GNG4: variants seen among roughly 807,000 people sequenced by gnomAD.
The protein encoded by GNG4 is guanine nucleotide-binding protein G(I)/G(S)/G(O) subunit gamma-4.
In GNG4, 4 loss-of-function variants were observed where a neutral mutation model predicts 5.8. The ratio of observed to expected loss-of-function variants is 0.69; its 90% confidence interval spans 0.34 to 1.57. GNG4 has a LOEUF of 1.57. Ranked by LOEUF, GNG4 falls within the 40% of genes most tolerant of loss-of-function variation. The pLI is 0.06. For missense variants in GNG4, 96 were observed against 95.1 expected (o/e 1.01, Z -0.04); for synonymous variants, 29 against 32.9 (o/e 0.88, Z 0.41).
intron 2 of GNG4, among the ~76,000 whole-genome samples, chr1:235,590,555 G>A (rs1235283910): frequency 6.6e-6 from 1 of 152,174 alleles, no homozygotes. Context: ...CGTCTTTCGG[G>A]AGCACTGGGT....
At chr1:235,627,257 C>T (rs1328464411) in intron 1 of GNG4, among the ~76,000 whole-genome samples, 1 of 151,996 alleles carries the variant, frequency 6.6e-6, no homozygotes, top group Admixed American at 6.6e-5. Flanking sequence ...GAGTCTCGCT[C>T]TGTCTCCCAG....
chr1:235,567,960 C>G (rs1288226513), intron 3 of GNG4, among the ~76,000 whole-genome samples: 1 of 152,094 alleles, frequency 6.6e-6, no homozygotes, highest in East Asian at 1.9e-4. Flanking sequence ...AGACGGCTAA[C>G]CACAAACAGG....
Position 235,648,023 on chromosome 1 carries a change from C to CTTT in GNG4, c.-123+1636_-123+1638dup, listed in dbSNP as rs535842950. Among the ~76,000 whole-genome samples the CTTT allele has an allele frequency of 2.3e-3, 337 of 147,278 alleles. 3 individuals are homozygous for CTTT. Among genetic ancestry groups the CTTT allele is most frequent in the African/African-American group, 8.1e-3 (327 of 40,350 alleles). Reference sequence around the variant, plus strand: ...AACTGTAAAGTGAATCTAGGAAAAGCTTTTTTTTTTTCTGGTTTCTCCACC... The same window carrying CTTT: ...AACTGTAAAGTGAATCTAGGAAAAGCTTTTTTTTTTTTTTCTGGTTTCTCCACC... On this transcript the variant is annotated intron_variant, in intron 1 of 3. Transcript: ENST00000391854. This position sits in a 1 kb window ranked among gnomAD's most constrained non-coding sequence, Gnocchi z 5.0.
intron 2 of GNG4, among the ~76,000 whole-genome samples, chr1:235,590,255 G>A (rs1188511395): frequency 1.3e-5 from 2 of 152,116 alleles, no homozygotes; most frequent in African/African-American, 4.8e-5. Flanking sequence ...AGGAGTTTGA[G>A]ACCAGCCTGA....
chr1:235,622,706 C>G (rs549738792), intron 1 of GNG4, among the ~76,000 whole-genome samples: 1 of 151,884 alleles, frequency 6.6e-6, no homozygotes, highest in Non-Finnish European at 1.5e-5. Flanking sequence ...CATGGTGAAA[C>G]CCCGTCTCTA....
intron 3 of GNG4, among the ~76,000 whole-genome samples, chr1:235,560,316 A>T (rs559645675): frequency 2.0e-5 from 3 of 152,334 alleles, no homozygotes; most frequent in African/African-American, 7.2e-5. Flanking sequence ...CTCTGTTCTC[A>T]TGAATGGATT....
chr1:235,593,789 C>T (rs193084713), intron 2 of GNG4, among the ~76,000 whole-genome samples: 6 of 152,194 alleles, frequency 3.9e-5, no homozygotes, highest in African/African-American at 1.2e-4. Context: ...TTTGTGGTCT[C>T]GCTGGCTTCA....
At chr1:235,598,831 C>T (rs1161112055) in intron 1 of GNG4, among the ~76,000 whole-genome samples, 3 of 151,486 alleles carry the variant, frequency 2.0e-5, no homozygotes, top group Admixed American at 2.0e-4. Context: ...GTTCAAGTGA[C>T]TCTCCTGCCT....
chr1:235,608,287 T>C (rs1043364958), intron 1 of GNG4, among the ~76,000 whole-genome samples: 2 of 152,172 alleles, frequency 1.3e-5, no homozygotes, highest in Non-Finnish European at 2.9e-5. Flanking sequence ...CTATGTTTTA[T>C]CACTTACCAT....
intron 1 of GNG4, among the ~76,000 whole-genome samples, chr1:235,606,226 C>CA (rs1312995257): frequency 1.3e-5 from 2 of 151,936 alleles, no homozygotes; most frequent in African/African-American, 2.4e-5. Context: ...TTAAAAAATA[C>CA]AAAAAATTAG....
At chr1:235,604,798 T>C (rs574190111) in intron 1 of GNG4, among the ~76,000 whole-genome samples, 2 of 152,328 alleles carry the variant, frequency 1.3e-5, no homozygotes, top group East Asian at 3.9e-4. Flanking sequence ...GAACTCAGTA[T>C]AGTCAGGAAC....
At chr1:235,558,121 A>G (rs1686965486) in intron 3 of GNG4, among the ~76,000 whole-genome samples, 1 of 152,200 alleles carries the variant, frequency 6.6e-6, no homozygotes, top group Non-Finnish European at 1.5e-5. Flanking sequence ...ACAGGAATGC[A>G]CACACAATGA....
chr1:235,650,549 C>T (rs192367662), upstream of GNG4: 3 of 152,378 alleles, frequency 2.0e-5, no homozygotes, highest in Non-Finnish European at 4.4e-5. Flanking sequence ...CGCGGAATAC[C>T]TGTGCGAATT....
chr1:235,570,736 T>C (rs2841885), intron 3 of GNG4, among the ~76,000 whole-genome samples: 104,471 of 151,320 alleles, frequency 0.69, 36,566 homozygotes, highest in East Asian at 0.87. Flanking sequence ...CACTCTGTCA[T>C]CCAGGCTCGA....
intron 1 of GNG4, among the ~76,000 whole-genome samples, chr1:235,602,470 T>G (rs1250737815): frequency 6.6e-6 from 1 of 152,206 alleles, no homozygotes; most frequent in East Asian, 1.9e-4. Context: ...TGGGCTCATA[T>G]GAGAAAGTGA....
At chr1:235,595,882 T>C (rs920788728) in intron 1 of GNG4, among the ~76,000 whole-genome samples, 6 of 150,994 alleles carry the variant, frequency 4.0e-5, no homozygotes, top group African/African-American at 1.5e-4. Flanking sequence ...CTTATAAAAA[T>C]ATACACTTGG....
At chr1:235,609,866 C>G (rs984243554) in intron 1 of GNG4, among the ~76,000 whole-genome samples, 7 of 151,796 alleles carry the variant, frequency 4.6e-5, no homozygotes, top group Non-Finnish European at 7.4e-5. Flanking sequence ...CAGAGCGAGA[C>G]CCTGTCTCAA....
At chr1:235,615,765 G>A in intron 1 of GNG4, 1 of 251,006 alleles carries the variant, frequency 4.0e-6, no homozygotes, top group Non-Finnish European at 8.1e-6. Context: ...GGGTGATGGA[G>A]AAGCTGCAGA....
chr1:235,639,859 G>A (rs916122143), intron 1 of GNG4, among the ~76,000 whole-genome samples: 1 of 152,226 alleles, frequency 6.6e-6, no homozygotes, highest in Non-Finnish European at 1.5e-5. Context: ...AATGCCTCAG[G>A]AGCAGGGATG....
Sources: allele counts gnomAD v4.1 joint callset (sites outside exome capture counted in the v4.1 genomes callset), GRCh38; gene constraint gnomAD v4.1.1; non-coding constraint Gnocchi (gnomAD v3.1); transcripts MANE v1.5; gene names NCBI Gene and HGNC (gene_info 2026-07-23, HGNC 2026-07-21).